Variants in WDR49 observed in about 807,000 individuals in gnomAD.
The protein encoded by WDR49 is cilia- and flagella-associated protein 337.
A neutral mutation model predicts 119.5 loss-of-function variants in WDR49; 107 were observed. That is an observed-to-expected ratio of 0.90 (90% CI 0.77 to 1.05). The LOEUF (loss-of-function observed/expected upper bound fraction) is 1.05. WDR49 is among the 50% of genes least tolerant of loss of function. The pLI, the probability that WDR49 is intolerant of heterozygous loss-of-function variation, is 0.00. For missense variants in WDR49, 1,240 were observed against 1,220.5 expected, an observed-to-expected ratio of 1.02 and a Z score of -0.24; for synonymous variants, 425 against 418.8, an observed-to-expected ratio of 1.01 and a Z score of -0.18.
chr3:167,521,965 G>GATAC (rs1182040548), intron 16 of WDR49, among the ~76,000 whole-genome samples: 1 of 38,304 alleles, frequency 2.6e-5, no homozygotes. Flanking sequence ...CACATTCTAA[G>GATAC]ATAGATAGAT....
intron 8 of WDR49, among the ~76,000 whole-genome samples, chr3:167,568,600 C>T (rs1713748427): frequency 6.6e-6 from 1 of 152,178 alleles, no homozygotes; most frequent in Non-Finnish European, 1.5e-5. Flanking sequence ...ACCACAGCTG[C>T]AGACCTCAAC....
At chr3:167,603,636 C>A (rs1042910681) in intron 6 of WDR49, among the ~76,000 whole-genome samples, 25 of 152,122 alleles carry the variant, frequency 1.6e-4, no homozygotes, top group African/African-American at 5.3e-4. Flanking sequence ...TATATCTATA[C>A]CTCATTTTTA....
intron 8 of WDR49, among the ~76,000 whole-genome samples, chr3:167,570,865 G>C (rs1713897599): frequency 6.6e-6 from 1 of 152,010 alleles, no homozygotes; most frequent in African/African-American, 2.4e-5. Context: ...GTGAAACCAT[G>C]TCTCTACTAA....
intron 17 of WDR49, among the ~76,000 whole-genome samples, chr3:167,501,051 T>C (rs1328102069): frequency 6.6e-6 from 1 of 152,200 alleles, no homozygotes; most frequent in Non-Finnish European, 1.5e-5. Context: ...ATCAGAATCA[T>C]CTGGAGGGCT....
rs1717150009 is a variant in WDR49, at chr3:167,626,846, C to G, written c.606+6G>C. On this transcript the variant is annotated splice_donor_region_variant and intron_variant, in intron 3 of 18. Coordinates refer to ENST00000682715, the MANE Select transcript of WDR49 (RefSeq NM_001366157.1). The stretch of plus-strand genomic sequence containing the variant: ...AGCAGTACATTTTTTTATAAAGAGT[C>G]TGTACCTTGTTTACATTTTCCAGAG... 4.0e-6 allele frequency: 5 copies of G among 1,246,720 alleles called. No individual in the cohort carries two copies. The South Asian group carries it at 1.9e-4, about 47-fold the overall frequency. 77.2% of individuals were successfully genotyped at this position (1,246,720 alleles called of 1,614,324 possible).
chr3:167,585,310 A>G (rs1714749051), intron 7 of WDR49, among the ~76,000 whole-genome samples: 1 of 152,008 alleles, frequency 6.6e-6, no homozygotes, highest in Admixed American at 6.6e-5. Context: ...GGCAATATTT[A>G]TGTAAAGCCT....
intron 10 of WDR49, among the ~76,000 whole-genome samples, chr3:167,542,855 C>CCAGGCA (rs1227995265): frequency 5.9e-5 from 9 of 151,856 alleles, no homozygotes; most frequent in Non-Finnish European, 8.8e-5. Context: ...CAACATAAAG[C>CCAGGCA]TGGTTCTTTG....
chr3:167,554,518 A>C (rs1712798479), intron 10 of WDR49, 132 bp downstream of exon 10: 3 of 503,014 alleles, frequency 6.0e-6, no homozygotes, highest in Admixed American at 3.8e-5. Flanking sequence ...TTCACTAAGC[A>C]TTCAGTCAAT....
chr3:167,527,843 C>A lies in WDR49; in HGVS notation c.2581G>T (p.Ala861Ser). 1 of 1,612,760 alleles carries A rather than the reference C, an allele frequency of 6.2e-7. No individual in the cohort carries two copies. ...ACCTGACCAAAGATCCAAACAGGAG[C>A]ATTGCAGACACCAGTCACACAAATA... is the stretch of plus-strand genomic sequence containing the variant. ...CSICVTGVCN[A>S]PVWIFGQAKH... The change falls in exon 15 of 19, where the codon GCT becomes TCT. Residue 861 changes from alanine to serine, a missense_variant. Coordinates refer to ENST00000682715, the MANE Select transcript of WDR49 (RefSeq NM_001366157.1).
At chr3:167,524,629 G>A (rs1577216876) in intron 15 of WDR49, among the ~76,000 whole-genome samples, 3 of 152,106 alleles carry the variant, frequency 2.0e-5, no homozygotes, top group South Asian at 4.1e-4. Context: ...CTTATGGCTA[G>A]CCAGTTTTCC....
At chr3:167,624,811 TC>T (rs1277506467) in intron 3 of WDR49, among the ~76,000 whole-genome samples, 2 of 152,094 alleles carry the variant, frequency 1.3e-5, no homozygotes, top group Non-Finnish European at 2.9e-5. Context: ...ACTAGAACTA[TC>T]TTTTAATTCA....
At chr3:167,561,530 A>G (rs1284288548) in intron 8 of WDR49, among the ~76,000 whole-genome samples, 1 of 152,234 alleles carries the variant, frequency 6.6e-6, no homozygotes, top group Non-Finnish European at 1.5e-5. Context: ...TTTCAAGTTT[A>G]GAGGAATCAC....
chr3:167,517,625 A>T (rs1356238391), intron 16 of WDR49, among the ~76,000 whole-genome samples: 2 of 152,186 alleles, frequency 1.3e-5, no homozygotes, highest in Admixed American at 1.3e-4. Flanking sequence ...AGATTTCAAG[A>T]TGAAAACATC....
intron 5 of WDR49, among the ~76,000 whole-genome samples, chr3:167,614,063 C>T (rs1039717117): frequency 6.6e-6 from 1 of 152,048 alleles, no homozygotes; most frequent in Non-Finnish European, 1.5e-5. Flanking sequence ...ATTTTTGTTG[C>T]TGACAATTTC....
intron 7 of WDR49, among the ~76,000 whole-genome samples, chr3:167,587,727 A>C (rs1714892347): frequency 6.6e-6 from 1 of 152,014 alleles, no homozygotes; most frequent in Admixed American, 6.6e-5. Context: ...TAAGTGATCC[A>C]CCCACCTCAG....
intron 2 of WDR49, among the ~76,000 whole-genome samples, chr3:167,630,526 T>C (rs936530028): frequency 1.3e-5 from 2 of 152,134 alleles, no homozygotes; most frequent in Non-Finnish European, 2.9e-5. Flanking sequence ...AAGTGGTTGA[T>C]GAAAATTGAG....
At chr3:167,552,168 A>C (rs1044965443) in intron 10 of WDR49, among the ~76,000 whole-genome samples, 1 of 152,024 alleles carries the variant, frequency 6.6e-6, no homozygotes, top group Non-Finnish European at 1.5e-5. Context: ...AAATAAAAGA[A>C]TATGTCCAGG....
chr3:167,621,554 C>T lies in WDR49; in HGVS notation c.696G>A (p.Leu232=). The T allele has an allele frequency of 6.5e-7, 1 of 1,535,588 alleles. No individual in the cohort carries two copies. The highest frequency in any genetic ancestry group is 1.2e-5 in the South Asian group (1 of 83,998). ...AATCCATGCAAATTGGTGTTCCTTT[C>T]AGGCCTTGGAGTTTGTATTGGCAAG... ...EFACQYKLQG[L]KGTPICMDYW... The change falls in exon 4 of 19, where the codon CTG becomes CTA. Residue 232 remains leucine, a synonymous_variant. Transcript: ENST00000682715.
At chr3:167,557,086 A>C (rs1381116043) in intron 9 of WDR49, among the ~76,000 whole-genome samples, 3 of 152,090 alleles carry the variant, frequency 2.0e-5, no homozygotes, top group African/African-American at 4.8e-5. Context: ...AACCACAGCT[A>C]CTCGGAAGGC....
Sources: gnomAD v4.1 joint callset for allele counts (sites outside exome capture counted in the v4.1 genomes callset) on GRCh38, gnomAD v4.1.1 for gene constraint, MANE v1.5 for transcripts, NCBI Gene and HGNC (gene_info 2026-07-23, HGNC 2026-07-21) for gene names.